Variants in DNAJC17 observed in about 807,000 individuals in gnomAD.
The protein encoded by DNAJC17 is DnaJ heat shock protein family (Hsp40) member C17, also known as dnaJ homolog subfamily C member 17.
In DNAJC17, 35 loss-of-function variants were observed where a neutral mutation model predicts 48.1. That is an observed-to-expected ratio of 0.73 (90% CI 0.56 to 0.96). The LOEUF is 0.96. Among genes scored for constraint, DNAJC17 ranks in the 50% least tolerant of loss-of-function variants. The pLI, the probability that DNAJC17 is intolerant of heterozygous loss-of-function variation, is 0.00. For missense variants in DNAJC17, 355 were observed against 377.1 expected, an observed-to-expected ratio of 0.94 and a Z score of 0.48; for synonymous variants, 117 against 142.7, an observed-to-expected ratio of 0.82 and a Z score of 1.28.
At position 40,767,014 on chromosome 15, in the gene DNAJC17, T is replaced by C. The variant is rs1372595803; in HGVS notation, c.*926A>G. ...ATCAATGGCCACAACAGTGGCACCTTCACTAGCTTGTTGGGAAGAATAAAT... is the reference window on the plus strand; with the variant it reads ...ATCAATGGCCACAACAGTGGCACCTCCACTAGCTTGTTGGGAAGAATAAAT... On this transcript the variant is annotated 3_prime_UTR_variant, in exon 11 of 11. Transcript: ENST00000220496. The C allele has an allele frequency of 1.2e-5, 5 of 411,500 alleles. No individual in the cohort carries two copies. Among genetic ancestry groups the C allele is most frequent in the African/African-American group, 1.0e-4 (5 of 48,612 alleles). The allele number at this position is 411,500 out of a possible 1,614,324, so 25.5% of individuals were successfully genotyped here. A position where few individuals can be genotyped will look rare whatever the true frequency, so the allele number is the denominator to read the frequency against.
chr15:40,775,618 G>A, intron 6 of DNAJC17, 22 bp from the exon 7 acceptor site: 1 of 1,611,508 alleles, frequency 6.2e-7, no homozygotes, highest in Non-Finnish European at 8.5e-7. Context: ...GGGAAAAGAA[G>A]AAAAGTAGAA....
chr15:40,767,141 C>A lies in DNAJC17; in HGVS notation c.*799G>T. ...CAAGTGTGAGTCACTACAAGAGTGGCCAGGCTGCCTGCTGCAGACACTAGC... is the reference window on the plus strand; with the variant it reads ...CAAGTGTGAGTCACTACAAGAGTGGACAGGCTGCCTGCTGCAGACACTAGC... On this transcript the variant is annotated 3_prime_UTR_variant, in exon 11 of 11. Coordinates refer to ENST00000220496, the MANE Select transcript of DNAJC17 (RefSeq NM_018163.3). The A allele has an allele frequency of 7.3e-7, 1 of 1,370,814 alleles. No individual in the cohort carries two copies. Among genetic ancestry groups the A allele is most frequent in the Non-Finnish European group, 9.6e-7 (1 of 1,041,552 alleles). 84.9% of individuals were successfully genotyped at this position (1,370,814 alleles called of 1,614,324 possible).
At chr15:40,797,717 C>CTTTTTTTTTTT (rs538219563) in intron 1 of DNAJC17, among the ~76,000 whole-genome samples, 1 of 98,958 alleles carries the variant, frequency 1.0e-5, no homozygotes, top group Non-Finnish European at 2.1e-5. Flanking sequence ...TGGCCGATCT[C>CTTTTTTTTTTT]TTTTTTTTTT....
At chr15:40,792,691 C>G (rs1889836885) in intron 1 of DNAJC17, 2 of 174,244 alleles carry the variant, frequency 1.1e-5, no homozygotes, top group Non-Finnish European at 2.3e-5. Context: ...TGGTGGTGCA[C>G]TCCTGTGGTC....
rs1303749991 is a variant in DNAJC17, at chr15:40,768,078, G to A, written c.793-16C>T. ...GCACTGAGCCCTGTCGGACAGGGCA[G>A]GGACAGGGAGGGGTCAGGGACAGCA... is the stretch of plus-strand genomic sequence containing the variant. On this transcript the variant is annotated splice_polypyrimidine_tract_variant and intron_variant, in intron 10 of 10. Transcript: ENST00000220496. 1.3e-6 allele frequency: 2 copies of A among 1,527,964 alleles called. No individual in the cohort carries two copies. Among genetic ancestry groups the A allele is most frequent in the Admixed American group, 2.2e-5 (1 of 46,404 alleles). 94.7% of individuals were successfully genotyped at this position (1,527,964 alleles called of 1,614,324 possible). A position where few individuals can be genotyped will look rare whatever the true frequency, so the allele number is the denominator to read the frequency against.
chr15:40,805,635 G>A (rs1229547800), intron 1 of DNAJC17, among the ~76,000 whole-genome samples: 2 of 150,980 alleles, frequency 1.3e-5, no homozygotes, highest in Non-Finnish European at 2.9e-5. Flanking sequence ...GAGGTCAGGA[G>A]ATCGAGACCA....
At chr15:40,803,784 G>A (rs1890132329) in intron 1 of DNAJC17, among the ~76,000 whole-genome samples, 1 of 152,012 alleles carries the variant, frequency 6.6e-6, no homozygotes, top group Non-Finnish European at 1.5e-5. Flanking sequence ...AGCAGCACCT[G>A]TTACCCTTTA....
intron 10 of DNAJC17, among the ~76,000 whole-genome samples, chr15:40,773,512 A>C (rs978901051): frequency 2.0e-5 from 3 of 152,198 alleles, no homozygotes; most frequent in Non-Finnish European, 2.9e-5. Context: ...AGAGAAAGCA[A>C]GGTCTAAGAA....
chr15:40,793,177 G>C (rs994681639), intron 1 of DNAJC17, among the ~76,000 whole-genome samples: 24 of 151,962 alleles, frequency 1.6e-4, no homozygotes, highest in Non-Finnish European at 2.9e-4. Context: ...ACAGGCGTGA[G>C]CACCGTGCCC....
At chr15:40,789,413 G>T (rs1466344518) in intron 1 of DNAJC17, among the ~76,000 whole-genome samples, 1 of 150,486 alleles carries the variant, frequency 6.6e-6, no homozygotes, top group Non-Finnish European at 1.5e-5. Flanking sequence ...CAGCCCACTT[G>T]AAACCCAGTC....
At chr15:40,794,863 G>A (rs896060104) in intron 1 of DNAJC17, among the ~76,000 whole-genome samples, 5 of 151,850 alleles carry the variant, frequency 3.3e-5, no homozygotes, top group African/African-American at 7.3e-5. Context: ...GATTATAGGC[G>A]CCTGCCACCA....
chr15:40,779,651 C>T (rs1889426444), intron 2 of DNAJC17, 48 bp from the exon 3 acceptor site: 13 of 1,585,802 alleles, frequency 8.2e-6, no homozygotes, highest in East Asian at 6.7e-5. Context: ...GTTAAGACTT[C>T]GTAATGGTGT....
intron 1 of DNAJC17, among the ~76,000 whole-genome samples, chr15:40,789,051 G>A (rs894649060): frequency 1.3e-5 from 2 of 152,120 alleles, no homozygotes; most frequent in African/African-American, 2.4e-5. Flanking sequence ...ACCCCAGACA[G>A]CCCCCTCAGC....
chr15:40,769,664 C>T lies in DNAJC17; in HGVS notation c.793-1602G>A, dbSNP rs568798976. ...TTCCTTCCCCAACAATCGTTCCACA[C>T]GCCTGCCTTTCAATTAACTCCCACC... is the stretch of plus-strand genomic sequence containing the variant. On this transcript the variant is annotated intron_variant, in intron 10 of 10. Transcript: ENST00000220496. This position sits in a 1 kb window ranked among gnomAD's most constrained non-coding sequence, Gnocchi z 4.2. Among the ~76,000 whole-genome samples, 3 of 152,246 alleles carry T rather than the reference C, an allele frequency of 2.0e-5. No homozygotes were observed. Among genetic ancestry groups the T allele is most frequent in the Non-Finnish European group, 4.4e-5 (3 of 68,042 alleles).
intron 5 of DNAJC17, 118 bp from the exon 6 acceptor site, chr15:40,776,410 G>A (rs1402081573): frequency 6.9e-7 from 1 of 1,459,416 alleles, no homozygotes; most frequent in South Asian, 1.1e-5. Context: ...ACCTGTGGGT[G>A]GGACAAATCA....
At chr15:40,780,511 A>G in intron 1 of DNAJC17, 1 of 368,138 alleles carries the variant, frequency 2.7e-6, no homozygotes, top group Admixed American at 3.6e-5. Flanking sequence ...CAACGGGGAG[A>G]CTCATTTAAA....
intron 1 of DNAJC17, among the ~76,000 whole-genome samples, chr15:40,802,584 T>G (rs1890102584): frequency 6.6e-6 from 1 of 152,042 alleles, no homozygotes; most frequent in Admixed American, 6.6e-5. Context: ...ACAAGTTAAA[T>G]TTGGTGGTGG....
intron 1 of DNAJC17, among the ~76,000 whole-genome samples, chr15:40,786,070 T>C (rs1469314650): frequency 6.6e-6 from 1 of 152,232 alleles, no homozygotes; most frequent in Non-Finnish European, 1.5e-5. Context: ...TGGAGTTGAC[T>C]GCTGCCTGAA....
intron 1 of DNAJC17, chr15:40,792,453 C>T (rs1480049593): frequency 5.1e-6 from 5 of 985,044 alleles, no homozygotes; most frequent in Admixed American, 1.2e-4. Context: ...AGGTAATTAC[C>T]TGCCAAGATG....
Sources: gnomAD v4.1 joint callset for allele counts (sites outside exome capture counted in the v4.1 genomes callset) on GRCh38, gnomAD v4.1.1 for gene constraint, Gnocchi (gnomAD v3.1) non-coding constraint, MANE v1.5 for transcripts, NCBI Gene and HGNC (gene_info 2026-07-23, HGNC 2026-07-21) for gene names.